EHBP1: variants seen among roughly 807,000 people sequenced by gnomAD.
The protein encoded by EHBP1 is EH domain-binding protein 1.
Under a neutral mutation model 144.0 loss-of-function variants are expected in EHBP1, and 55 were observed. That is an observed-to-expected ratio of 0.38 (90% CI 0.31 to 0.48). EHBP1 has a LOEUF of 0.48. Among genes scored for constraint, EHBP1 ranks in the 20% least tolerant of loss-of-function variants. The probability of loss-of-function intolerance (pLI) is 0.98; values close to 1 mark genes in which losing one functional copy is unlikely to be tolerated. For synonymous variants in EHBP1, 469 were observed against 472.7 expected, an observed-to-expected ratio of 0.99 and a Z score of 0.10; for missense variants, 1,200 against 1,364.2, an observed-to-expected ratio of 0.88 and a Z score of 1.90.
chr2:62,756,659 C>T (rs1380545137), intron 3 of EHBP1, among the ~76,000 whole-genome samples: 3 of 151,210 alleles, frequency 2.0e-5, no homozygotes, highest in South Asian at 2.1e-4. Flanking sequence ...ATCCCAGCTA[C>T]GCGGGCGCTG....
intron 19 of EHBP1, among the ~76,000 whole-genome samples, chr2:63,030,882 G>C (rs550671360): frequency 7.5e-6 from 1 of 133,804 alleles, no homozygotes; most frequent in African/African-American, 2.8e-5. Context: ...TGCAACCTCC[G>C]CCTCTTAGGT....
intron 19 of EHBP1, among the ~76,000 whole-genome samples, chr2:63,021,395 TCA>T (rs2060742567): frequency 6.6e-6 from 1 of 152,226 alleles, no homozygotes; most frequent in Non-Finnish European, 1.5e-5. Context: ...GCCATAATTT[TCA>T]CAGATAGATT....
chr2:62,774,900 T>C (rs1029103871), intron 5 of EHBP1, among the ~76,000 whole-genome samples: 4 of 152,124 alleles, frequency 2.6e-5, no homozygotes, highest in Non-Finnish European at 4.4e-5. Context: ...CATCGCTGTG[T>C]AGTTTACACT....
chr2:62,912,691 T>C lies in EHBP1; in HGVS notation c.1186-30027T>C, dbSNP rs1201086896. Among the ~76,000 whole-genome samples the C allele has an allele frequency of 3.3e-5, 5 of 152,212 alleles. No individual in the cohort carries two copies. The East Asian group carries it at 9.6e-4, about 29-fold the overall frequency. Reference sequence around the variant, plus strand: ...TAAAGTGTATTTAAATATAATTTCATTTTAAATTTGAAGCACCGGTATGGT... The same window carrying C: ...TAAAGTGTATTTAAATATAATTTCACTTTAAATTTGAAGCACCGGTATGGT... On this transcript the variant is annotated intron_variant, in intron 10 of 22. Coordinates refer to ENST00000431489, the MANE Select transcript of EHBP1 (RefSeq NM_001142616.3).
chr2:63,001,994 A>G (rs1559051043), intron 19 of EHBP1, among the ~76,000 whole-genome samples: 1 of 152,226 alleles, frequency 6.6e-6, no homozygotes, highest in Non-Finnish European at 1.5e-5. Flanking sequence ...TTTGAGACCC[A>G]ACAAGCTCAT....
intron 3 of EHBP1, among the ~76,000 whole-genome samples, chr2:62,749,619 C>T (rs556123836): frequency 6.6e-6 from 1 of 152,314 alleles, no homozygotes; most frequent in African/African-American, 2.4e-5. Flanking sequence ...AAAAGTGTTC[C>T]TATTTCTCCA....
At position 62,983,008 on chromosome 2, in the gene EHBP1, C is replaced by G. The variant is rs369356981; in HGVS notation, c.2608+3673C>G. ...TTCTTGTGTAAATAACAGAATCACA[C>G]CTCTCCTAGCAGCCATAGCCTAGCT... is the stretch of plus-strand genomic sequence containing the variant. On this transcript the variant is annotated intron_variant, in intron 15 of 22. Coordinates refer to ENST00000431489, the MANE Select transcript of EHBP1 (RefSeq NM_001142616.3). Among the ~76,000 whole-genome samples the G allele has an allele frequency of 2.0e-5, 3 of 152,282 alleles. No individual in the cohort carries two copies. In the South Asian group the frequency reaches 6.2e-4, roughly 32 times the overall value.
chr2:62,964,287 C>G (rs1270047103), intron 14 of EHBP1, among the ~76,000 whole-genome samples: 1 of 152,116 alleles, frequency 6.6e-6, no homozygotes, highest in African/African-American at 2.4e-5. Context: ...GAAGCTAGGG[C>G]TAGGTGTCTT....
chr2:62,687,360 T>C (rs1229662974), intron 1 of EHBP1, among the ~76,000 whole-genome samples: 3 of 152,244 alleles, frequency 2.0e-5, no homozygotes, highest in African/African-American at 4.8e-5. Flanking sequence ...GTTCAGAAAC[T>C]GTTTTGCCTT....
intron 13 of EHBP1, among the ~76,000 whole-genome samples, chr2:62,950,337 T>C (rs1416717046): frequency 1.3e-5 from 2 of 152,202 alleles, no homozygotes; most frequent in Non-Finnish European, 2.9e-5. Flanking sequence ...TGGCATTTTC[T>C]GGAAGTTACA....
At chr2:62,976,831 TTCTC>T (rs1392069343) in intron 14 of EHBP1, among the ~76,000 whole-genome samples, 2 of 152,028 alleles carry the variant, frequency 1.3e-5, no homozygotes, top group Non-Finnish European at 2.9e-5. Context: ...AGCACAGACT[TTCTC>T]TCCCTCCCTT....
intron 10 of EHBP1, among the ~76,000 whole-genome samples, chr2:62,914,187 T>G (rs1372218112): frequency 1.3e-5 from 2 of 152,030 alleles, no homozygotes; most frequent in Non-Finnish European, 2.9e-5. Context: ...TAAATGAGAG[T>G]GGGAGGAACT....
intron 10 of EHBP1, among the ~76,000 whole-genome samples, chr2:62,898,986 T>C (rs2053178571): frequency 1.3e-5 from 2 of 152,174 alleles, no homozygotes; most frequent in South Asian, 2.1e-4. Context: ...TAACATGAGA[T>C]TGGTCTTGCC....
intron 14 of EHBP1, among the ~76,000 whole-genome samples, chr2:62,963,404 T>A (rs1031832358): frequency 1.3e-5 from 2 of 152,210 alleles, no homozygotes; most frequent in Non-Finnish European, 2.9e-5. Context: ...TACCATTCAA[T>A]TGGTAAAAAA....
At chr2:62,816,208 C>T (rs1029640095) in intron 5 of EHBP1, among the ~76,000 whole-genome samples, 1 of 152,110 alleles carries the variant, frequency 6.6e-6, no homozygotes, top group African/African-American at 2.4e-5. Flanking sequence ...CTAGAGCTGT[C>T]TGTCAAACCA....
intron 19 of EHBP1, among the ~76,000 whole-genome samples, chr2:63,007,156 A>G (rs1308458905): frequency 1.3e-5 from 2 of 151,868 alleles, no homozygotes; most frequent in African/African-American, 4.8e-5. Flanking sequence ...AGACACAAGA[A>G]TGGCATTTTA....
chr2:62,750,957 C>G (rs1413501235), intron 3 of EHBP1, among the ~76,000 whole-genome samples: 1 of 152,124 alleles, frequency 6.6e-6, no homozygotes, highest in Non-Finnish European at 1.5e-5. Flanking sequence ...TCCTCTTTTC[C>G]TAATCGAATA....
At chr2:62,985,621 T>C (rs1320808405) in intron 15 of EHBP1, among the ~76,000 whole-genome samples, 1 of 152,214 alleles carries the variant, frequency 6.6e-6, no homozygotes, top group Non-Finnish European at 1.5e-5. Flanking sequence ...CCTTCTGTTA[T>C]TTCTCTTTAA....
intron 10 of EHBP1, among the ~76,000 whole-genome samples, chr2:62,921,440 G>T (rs1292496858): frequency 1.3e-5 from 2 of 149,054 alleles, no homozygotes; most frequent in Non-Finnish European, 3.0e-5. Flanking sequence ...GCCAGACCTT[G>T]TCTCAAAAAA....
Sources: gnomAD v4.1 joint callset for allele counts (sites outside exome capture counted in the v4.1 genomes callset) on GRCh38, gnomAD v4.1.1 for gene constraint, MANE v1.5 for transcripts, NCBI Gene and HGNC (gene_info 2026-07-23, HGNC 2026-07-21) for gene names.